Variants in ADGRL3 observed in about 807,000 individuals in gnomAD.
ADGRL3 encodes adhesion G protein-coupled receptor L3, also known as calcium-independent alpha-latrotoxin receptor 3.
ADGRL3 carries 62 observed loss-of-function variants against 153.5 expected under a neutral mutation model. That is an observed-to-expected ratio of 0.40 (90% CI 0.33 to 0.50). ADGRL3 has a LOEUF of 0.50. Ranked by LOEUF, ADGRL3 falls within the 20% of genes least tolerant of loss-of-function variation. The pLI is 0.47. For missense variants in ADGRL3, 1,641 were observed against 1,859.4 expected (o/e 0.88, Z 2.16); for synonymous variants, 710 against 672.5 (o/e 1.06, Z -0.86).
chr4:61,650,777 G>A (rs2094216798), intron 5 of ADGRL3, among the ~76,000 whole-genome samples: 1 of 151,978 alleles, frequency 6.6e-6, no homozygotes, highest in Non-Finnish European at 1.5e-5. Context: ...TGATTAGAGT[G>A]CATACTTCAC....
intron 5 of ADGRL3, among the ~76,000 whole-genome samples, chr4:61,591,329 G>C (rs910136905): frequency 2.0e-5 from 3 of 152,208 alleles, no homozygotes; most frequent in Non-Finnish European, 4.4e-5. Context: ...TGCAACCACT[G>C]CAATAAATCA....
At chr4:62,048,870 A>G (rs1582056202) in intron 25 of ADGRL3, among the ~76,000 whole-genome samples, 1 of 152,012 alleles carries the variant, frequency 6.6e-6, no homozygotes, top group Non-Finnish European at 1.5e-5. Context: ...ATTTAGATTA[A>G]CAATACCTCT....
chr4:61,616,307 A>G (rs1377307095), intron 5 of ADGRL3, among the ~76,000 whole-genome samples: 1 of 152,188 alleles, frequency 6.6e-6, no homozygotes, highest in Admixed American at 6.6e-5. Context: ...TAAAACTCCT[A>G]TAATTGACAT....
intron 2 of ADGRL3, among the ~76,000 whole-genome samples, chr4:61,384,980 G>A (rs2096719555): frequency 6.6e-6 from 1 of 152,094 alleles, no homozygotes; most frequent in Non-Finnish European, 1.5e-5. Context: ...TGAAAGTAGA[G>A]AGCAGTGATA....
intron 9 of ADGRL3, among the ~76,000 whole-genome samples, chr4:61,871,268 A>C (rs1306314296): frequency 6.7e-6 from 1 of 148,846 alleles, no homozygotes; most frequent in Non-Finnish European, 1.5e-5. Context: ...ACAGAGTGAG[A>C]CTCCATCTCA....
intron 1 of ADGRL3, among the ~76,000 whole-genome samples, chr4:61,292,502 A>G (rs1189684190): frequency 2.6e-5 from 4 of 152,182 alleles, no homozygotes; most frequent in Admixed American, 2.6e-4. Flanking sequence ...TTTTGTTTAT[A>G]TAGAAACATG....
intron 1 of ADGRL3, among the ~76,000 whole-genome samples, chr4:61,264,381 G>A (rs780632446): frequency 2.0e-5 from 3 of 151,918 alleles, no homozygotes; most frequent in Non-Finnish European, 2.9e-5. Flanking sequence ...GGCAAACATA[G>A]CAAAGGACCA....
chr4:61,985,390 G>A (rs1200903981), intron 19 of ADGRL3, among the ~76,000 whole-genome samples: 3 of 152,026 alleles, frequency 2.0e-5, no homozygotes, highest in Non-Finnish European at 4.4e-5. Flanking sequence ...TGAGTGAATA[G>A]GTGAGGTCAT....
intron 5 of ADGRL3, among the ~76,000 whole-genome samples, chr4:61,648,160 G>C (rs2094110476): frequency 6.6e-6 from 1 of 151,940 alleles, no homozygotes; most frequent in Non-Finnish European, 1.5e-5. Context: ...GCTAGGTGAA[G>C]GGATAGAAGA....
chr4:61,271,224 G>A (rs2093158698), intron 1 of ADGRL3, among the ~76,000 whole-genome samples: 2 of 151,868 alleles, frequency 1.3e-5, no homozygotes, highest in Non-Finnish European at 2.9e-5. Context: ...GCTCTTCACA[G>A]TTGTATAGCA....
chr4:61,421,305 G>C (rs1201898436), intron 2 of ADGRL3, among the ~76,000 whole-genome samples: 2 of 152,012 alleles, frequency 1.3e-5, no homozygotes, highest in Non-Finnish European at 2.9e-5. Flanking sequence ...CTGCACTCCA[G>C]CCTGGGCGAC....
intron 1 of ADGRL3, among the ~76,000 whole-genome samples, chr4:61,357,884 G>A (rs1157706427): frequency 2.0e-5 from 3 of 152,064 alleles, no homozygotes; most frequent in Admixed American, 2.0e-4. Flanking sequence ...TATGATATAT[G>A]AAGGAAACTT....
intron 5 of ADGRL3, among the ~76,000 whole-genome samples, chr4:61,610,366 A>G (rs2099048320): frequency 6.6e-6 from 1 of 152,134 alleles, no homozygotes. Context: ...ACCCAGGGGT[A>G]TGTCAGCAAC....
chr4:61,917,164 T>G (rs1443504403), intron 13 of ADGRL3, among the ~76,000 whole-genome samples: 3 of 152,088 alleles, frequency 2.0e-5, no homozygotes, highest in African/African-American at 7.2e-5. Flanking sequence ...TGAAGGTGCT[T>G]TAAATTCAAA....
intron 9 of ADGRL3, among the ~76,000 whole-genome samples, chr4:61,877,739 C>T (rs2098483879): frequency 6.6e-6 from 1 of 152,136 alleles, no homozygotes; most frequent in African/African-American, 2.4e-5. Context: ...ATTTTGTCTT[C>T]ACGTGGTCAT....
intron 9 of ADGRL3, among the ~76,000 whole-genome samples, chr4:61,844,858 G>C (rs138646561): frequency 6.6e-6 from 1 of 151,846 alleles, no homozygotes; most frequent in Non-Finnish European, 1.5e-5. Flanking sequence ...CTGCTACTGT[G>C]TATTTATGTC....
At chr4:61,389,347 T>C (rs1445080622) in intron 2 of ADGRL3, among the ~76,000 whole-genome samples, 1 of 152,208 alleles carries the variant, frequency 6.6e-6, no homozygotes, top group Non-Finnish European at 1.5e-5. Context: ...GGTTTGAAAG[T>C]GGCAACCCTG....
chr4:61,763,066 C>T (rs1383728484), intron 8 of ADGRL3, among the ~76,000 whole-genome samples: 2 of 152,066 alleles, frequency 1.3e-5, no homozygotes, highest in African/African-American at 4.8e-5. Flanking sequence ...ATGCTTCATA[C>T]CACATTTCTC....
chr4:61,450,242 C>T (rs536244740), intron 2 of ADGRL3, among the ~76,000 whole-genome samples: 3 of 152,104 alleles, frequency 2.0e-5, no homozygotes, highest in Non-Finnish European at 4.4e-5. Context: ...TTAAAGAAAA[C>T]TGTTAATTTC....
Sources: gnomAD v4.1 joint callset for allele counts (sites outside exome capture counted in the v4.1 genomes callset) on GRCh38, gnomAD v4.1.1 for gene constraint, MANE v1.5 for transcripts, NCBI Gene and HGNC (gene_info 2026-07-23, HGNC 2026-07-21) for gene names.